GCN1: variants seen among roughly 807,000 people sequenced by gnomAD.
GCN1 encodes stalled ribosome sensor GCN1.
Under a neutral mutation model 288.4 loss-of-function variants are expected in GCN1, and 90 were observed. The ratio of observed to expected loss-of-function variants is 0.31; its 90% CI spans 0.26 to 0.37. GCN1 has a LOEUF of 0.37. GCN1 is among the 10% of genes least tolerant of loss of function. The pLI is 1.00. For synonymous variants in GCN1, 1,386 were observed against 1,420.2 expected (o/e 0.98, Z 0.54); for missense variants, 2,586 against 3,419.9 (o/e 0.76, Z 6.08).
intron 26 of GCN1, among the ~76,000 whole-genome samples, chr12:120,157,320 G>A (rs962573233): frequency 1.2e-4 from 19 of 152,176 alleles, no homozygotes; most frequent in African/African-American, 9.7e-5. Context: ...CATCACTGAC[G>A]ATATTAATAC....
In GCN1 at chr12:120,163,278, G is replaced by T; in HGVS notation, c.1849-19C>A. 6.3e-7 allele frequency: 1 copy of T among 1,597,324 alleles called. No individual in the cohort carries two copies. Among genetic ancestry groups the T allele is most frequent in the Non-Finnish European group, 8.6e-7 (1 of 1,164,958 alleles). On this transcript the variant is annotated intron_variant, in intron 18 of 57. Coordinates refer to ENST00000300648, the MANE Select transcript of GCN1 (RefSeq NM_006836.2). ...GCAGCACCTGTGTGGAGACACATGAGATAATACTGCTAAGAGCCCTGTGCA... is the reference window on the plus strand; with the variant it reads ...GCAGCACCTGTGTGGAGACACATGATATAATACTGCTAAGAGCCCTGTGCA...
In GCN1 at chr12:120,151,293, C is replaced by T. The variant is rs1170123708; in HGVS notation, c.4161G>A (p.Glu1387=). 2 of 1,614,204 alleles carry T rather than the reference C, an allele frequency of 1.2e-6. No individual in the cohort carries two copies. The highest frequency in any genetic ancestry group is 1.7e-6 in the Non-Finnish European group (2 of 1,180,030). Residue 1387 remains glutamate, a synonymous_variant, in exon 34 of 58, where the codon GAG becomes GAA. Transcript: ENST00000300648. ...MIQRLMQQLL[E]SDKYAERKGA... ...CTTTGCGCTCTGCGTACTTGTCTGA[C>T]TCCAGCAGCTGCTGCATAAGCCTCT...
chr12:120,168,223 T>C lies in GCN1; in HGVS notation c.1597A>G (p.Met533Val), dbSNP rs367927680. The change falls in exon 16 of 58, where the codon ATG (methionine) becomes GTG (valine). Residue 533 changes from methionine (M) to valine (V), a missense_variant. Met to Val is a conservative substitution (Grantham distance 21, BLOSUM62 1). Coordinates refer to ENST00000300648, the MANE Select transcript of GCN1 (RefSeq NM_006836.2). ...AGTAACTTACCATCCTCTGAAGCCATGACCAGGAATTTCTCAGAAGTGAAA... is the reference window on the plus strand; with the variant it reads ...AGTAACTTACCATCCTCTGAAGCCACGACCAGGAATTTCTCAGAAGTGAAA... ...QVFTSEKFLV[M>V]ASEDALCTVL... 3 of 1,579,060 alleles carry C rather than the reference T, an allele frequency of 1.9e-6. No homozygotes were observed. Among genetic ancestry groups the C allele is most frequent in the Admixed American group, 3.3e-5 (2 of 59,972 alleles).
In GCN1 at chr12:120,156,488, A is replaced by C. The variant is rs754212285; in HGVS notation, c.3285T>G (p.Cys1095Trp). Residue 1095 changes from cysteine (C) to tryptophan (W), a missense_variant, in exon 28 of 58, where the codon TGT becomes TGG. This residue lies in a region of GCN1 where 332 missense variants were observed against 403.0 expected (regional missense o/e 0.82). Transcript: ENST00000300648. The surrounding 1 kb of genome is among the most constrained non-coding windows in gnomAD (Gnocchi z 5.8). ...DVLLCALQSP[C>W]ASVRETVLRG... The stretch of plus-strand genomic sequence containing the variant: ...GGAGCACGGTTTCCCGCACGCTGGC[A>C]CACGGGGACTGCAAGGCACAGAGCA... The C allele has an allele frequency of 3.1e-6, 5 of 1,613,898 alleles. No individual in the cohort carries two copies. The highest frequency in any genetic ancestry group is 3.4e-6 in the Non-Finnish European group (4 of 1,179,974).
chr12:120,135,349 TTTAC>T (rs1876964403), intron 51 of GCN1, among the ~76,000 whole-genome samples: 1 of 152,092 alleles, frequency 6.6e-6, no homozygotes, highest in South Asian at 2.1e-4. Context: ...AGAGTAAAGA[TTTAC>T]TTACTGTTTT....
intron 55 of GCN1, 75 bp downstream of exon 55, chr12:120,131,110 C>A: frequency 7.3e-7 from 1 of 1,367,868 alleles, no homozygotes; most frequent in Non-Finnish European, 1.0e-6. Context: ...GTCTGGGGTC[C>A]ACCCGCGCTG....
chr12:120,180,338 C>T lies in GCN1; in HGVS notation c.427-1388G>A, dbSNP rs147598504. ...AAACTCCATCTCAAAAAATAAAGGCCAGGTGCAATGGTTCACGCCTGTAAT... is the reference window on the plus strand; with the variant it reads ...AAACTCCATCTCAAAAAATAAAGGCTAGGTGCAATGGTTCACGCCTGTAAT... On this transcript the variant is annotated intron_variant, in intron 5 of 57. Coordinates refer to ENST00000300648, the MANE Select transcript of GCN1 (RefSeq NM_006836.2). 3.4e-3 allele frequency among the ~76,000 whole-genome samples: 517 copies of T among 151,670 alleles called. 1 individual carries two copies. The highest frequency in any genetic ancestry group is 0.011 in the South Asian group (55 of 4,796).
intron 16 of GCN1, among the ~76,000 whole-genome samples, chr12:120,166,948 G>C (rs773649623): frequency 2.0e-5 from 3 of 151,764 alleles, no homozygotes; most frequent in Non-Finnish European, 4.4e-5. Context: ...CAGGGAGGTC[G>C]AGGCTGCAGT....
In GCN1 at chr12:120,142,463, A is replaced by AG. The variant is rs1465880750; in HGVS notation, c.5829+43dup. On this transcript the variant is annotated intron_variant, in intron 44 of 57. Transcript: ENST00000300648. This position sits in a 1 kb window ranked among gnomAD's most constrained non-coding sequence, Gnocchi z 4.9. The stretch of plus-strand genomic sequence containing the variant: ...ACCCAGCCTTCTAGGCTCTGAAAGG[A>AG]GGCACTGGGGCTGCTGGTCCAAAAC... 7.0e-7 allele frequency: 1 copy of AG among 1,425,942 alleles called. No homozygotes were observed. The highest frequency in any genetic ancestry group is 1.1e-5 in the South Asian group (1 of 87,036). The allele number at this position is 1,425,942 out of a possible 1,614,324, so 88.3% of individuals were successfully genotyped here. A position where few individuals can be genotyped will look rare whatever the true frequency, so the allele number is the denominator to read the frequency against.
chr12:120,194,558 C>G, intron 1 of GCN1, 122 bp downstream of exon 1: 1 of 960,194 alleles, frequency 1.0e-6, no homozygotes. Flanking sequence ...GGCCCCGAGA[C>G]TACGACCTCC....
At chr12:120,146,647 CAT>C (rs1877372820) in intron 38 of GCN1, among the ~76,000 whole-genome samples, 1 of 152,200 alleles carries the variant, frequency 6.6e-6, no homozygotes. Context: ...TGAGACCACA[CAT>C]GTGAGCTCCT....
At position 120,156,425 on chromosome 12, in the gene GCN1, A is replaced by T. The variant is rs1416290533; in HGVS notation, c.3312+36T>A. 1 of 1,603,528 alleles carries T rather than the reference A, an allele frequency of 6.2e-7. No homozygotes were observed. Among genetic ancestry groups the T allele is most frequent in the South Asian group, 1.1e-5 (1 of 90,742 alleles). On this transcript the variant is annotated intron_variant, in intron 28 of 57. Coordinates refer to ENST00000300648, the MANE Select transcript of GCN1 (RefSeq NM_006836.2). This position sits in a 1 kb window ranked among gnomAD's most constrained non-coding sequence, Gnocchi z 5.8. Reference sequence around the variant, plus strand: ...CAATTTGCACTTGCATAGAGTGACAAGGGACACTGCAGTGGCTCTGAGACT... The same window carrying T: ...CAATTTGCACTTGCATAGAGTGACATGGGACACTGCAGTGGCTCTGAGACT...
intron 5 of GCN1, among the ~76,000 whole-genome samples, chr12:120,182,893 C>T (rs1878706640): frequency 6.6e-6 from 1 of 151,024 alleles, no homozygotes; most frequent in East Asian, 2.0e-4. Context: ...TGAGCCAACA[C>T]CACTGCACTC....
chr12:120,146,668 C>T (rs921770975), intron 38 of GCN1, among the ~76,000 whole-genome samples: 1 of 152,160 alleles, frequency 6.6e-6, no homozygotes, highest in African/African-American at 2.4e-5. Flanking sequence ...CTAAGGCAGA[C>T]AGTGAGATCA....
At position 120,175,149 on chromosome 12, in the gene GCN1, A is replaced by AAAAAC; in HGVS notation, c.1093+12_1093+13insGTTTT. 1 of 1,507,412 alleles carries AAAAAC rather than the reference A, an allele frequency of 6.6e-7. No individual in the cohort carries two copies. The highest frequency in any genetic ancestry group is 8.9e-7 in the Non-Finnish European group (1 of 1,125,858). 93.4% of individuals were successfully genotyped at this position (1,507,412 alleles called of 1,614,324 possible). A position where few individuals can be genotyped will look rare whatever the true frequency, so the allele number is the denominator to read the frequency against. ...CTCAAAAAAAAAAAAAAAAAAAAAA[A>AAAAAC]GAAATCCTATACCTGAGAGGACGCT... On this transcript the variant is annotated intron_variant, in intron 12 of 57. Coordinates refer to ENST00000300648, the MANE Select transcript of GCN1 (RefSeq NM_006836.2).
At chr12:120,175,958 C>T in intron 10 of GCN1, 84 bp from the exon 11 acceptor site, 1 of 1,495,826 alleles carries the variant, frequency 6.7e-7, no homozygotes, top group Non-Finnish European at 9.2e-7. Flanking sequence ...GCCCCCATCT[C>T]TTCAGTATTA....
rs992140607 is a variant in GCN1, at chr12:120,153,334, G to A, written c.3941C>T (p.Ala1314Val). 1 of 1,614,140 alleles carries A rather than the reference G, an allele frequency of 6.2e-7. No individual in the cohort carries two copies. Among genetic ancestry groups the A allele is most frequent in the African/African-American group, 1.3e-5 (1 of 75,066 alleles). ...CAGGACCACCACACTCTGTCGCACA[G>A]CATCATAGCTGGCATCATTGGGCGC... ...KNAPNDASYD[A>V]VRQSVVVLMG... The change falls in exon 33 of 58, where the codon GCT becomes GTT. Residue 1314 changes from alanine (A) to valine (V), a missense_variant. Transcript: ENST00000300648. This position sits in a 1 kb window ranked among gnomAD's most constrained non-coding sequence, Gnocchi z 4.4.
Position 120,158,662 on chromosome 12 carries a change from T to C in GCN1, c.2750-47A>G, listed in dbSNP as rs2139111954. ...CAGCAGGAGATGACACACAGAGATG[T>C]GGAATCCAGCCCAGGCTAAAACAGG... On this transcript the variant is annotated intron_variant, in intron 24 of 57. Transcript: ENST00000300648. The surrounding 1 kb of genome is among the most constrained non-coding windows in gnomAD (Gnocchi z 4.3). 1 of 1,522,142 alleles carries C rather than the reference T, an allele frequency of 6.6e-7. No individual in the cohort carries two copies. The allele number at this position is 1,522,142 out of a possible 1,614,324, so 94.3% of individuals were successfully genotyped here.
At chr12:120,138,253 T>G (rs1289859673) in intron 47 of GCN1, 70 bp downstream of exon 47, 1 of 1,054,362 alleles carries the variant, frequency 9.5e-7, no homozygotes, top group East Asian at 2.4e-5. Context: ...TCAGAACTGG[T>G]CTTCACTGCA....
Sources: gnomAD v4.1 joint callset for allele counts (sites outside exome capture counted in the v4.1 genomes callset) on GRCh38, gnomAD v4.1.1 for gene constraint, gnomAD v4.1.1 regional missense constraint, Gnocchi (gnomAD v3.1) non-coding constraint, MANE v1.5 for transcripts, NCBI Gene and HGNC (gene_info 2026-07-23, HGNC 2026-07-21) for gene names.